CFAP92: variants seen among roughly 807,000 people sequenced by gnomAD.
CFAP92 encodes the protein uncharacterized protein CFAP92.
CFAP92 carries 86 observed loss-of-function variants against 106.3 expected under a neutral mutation model. The ratio of observed to expected loss-of-function variants is 0.81; its 90% CI spans 0.68 to 0.97. The LOEUF (loss-of-function observed/expected upper bound fraction) is 0.97. Among genes scored for constraint, CFAP92 ranks in the 50% least tolerant of loss-of-function variants. CFAP92 has a pLI of 0.00. For missense variants in CFAP92, 1,204 were observed against 1,283.8 expected, an observed-to-expected ratio of 0.94 and a Z score of 0.95; for synonymous variants, 477 against 506.4, an observed-to-expected ratio of 0.94 and a Z score of 0.78.
chr3:128,948,015 A>T (rs1440555924), intron 9 of CFAP92, among the ~76,000 whole-genome samples: 1 of 152,236 alleles, frequency 6.6e-6, no homozygotes. Flanking sequence ...CATCAAAATT[A>T]AAATTTTTGC....
At position 128,975,894 on chromosome 3, in the gene CFAP92, A is replaced by G; in HGVS notation, c.906T>C (p.Val302=). ...CCAAAGAAATGGTTGGTGTTCTTGA[A>G]ACACTCCATCTAGAAAATTCACAAA... ...MDDSSTIQWS[V]SRTPTISLAG... The change falls in exon 7 of 16, where the codon GTT becomes GTC. Residue 302 remains valine (V), a synonymous_variant. Coordinates refer to ENST00000645291, the MANE Select transcript of CFAP92 (RefSeq NM_001394090.1). 6.2e-7 allele frequency: 1 copy of G among 1,603,652 alleles called. No homozygotes were observed. The highest frequency in any genetic ancestry group is 1.1e-5 in the South Asian group (1 of 87,884).
At chr3:128,930,914 G>T (rs1036092558) in intron 12 of CFAP92, among the ~76,000 whole-genome samples, 5 of 151,752 alleles carry the variant, frequency 3.3e-5, no homozygotes, top group African/African-American at 1.2e-4. Flanking sequence ...TTGTTTGTTT[G>T]TTTTTTTGAG....
rs1192608477 is a variant in CFAP92 at position 128,935,289 on chromosome 3, C to G, written c.2289G>C (p.Lys763Asn). The G allele has an allele frequency of 6.5e-7, 1 of 1,529,514 alleles. No homozygotes were observed. The highest frequency in any genetic ancestry group is 1.4e-5 in the African/African-American group (1 of 73,032). 94.7% of individuals were successfully genotyped at this position (1,529,514 alleles called of 1,614,324 possible). Residue 763 changes from lysine (K) to asparagine (N), a missense_variant, in exon 11 of 16, where the codon AAG (lysine) becomes AAC (asparagine). Physicochemically the swap from Lys to Asn is moderately conservative, Grantham distance 94. Transcript: ENST00000645291. ...WIPRSEHRKY[K>N]VLYNSQLLFR... ...ACAGCAGCTGTGAGTTGTACAGCAC[C>G]TTGTATTTCCTGTGTTCTGACCTGG...
At chr3:128,933,852 C>T (rs1938678231) in intron 11 of CFAP92, among the ~76,000 whole-genome samples, 1 of 152,184 alleles carries the variant, frequency 6.6e-6, no homozygotes. Flanking sequence ...CAAAGAAAAG[C>T]CTCTTAGCCC....
chr3:128,994,199 C>T (rs919047977), upstream of CFAP92: 8 of 963,168 alleles, frequency 8.3e-6, no homozygotes, highest in Admixed American at 1.8e-4. Context: ...GGGGCTTTCC[C>T]CCTCAGCCAC....
At chr3:128,984,858 G>A (rs1247365510) in intron 4 of CFAP92, among the ~76,000 whole-genome samples, 1 of 152,054 alleles carries the variant, frequency 6.6e-6, no homozygotes, top group Non-Finnish European at 1.5e-5. Flanking sequence ...CATAACATGA[G>A]GCAGAACTCT....
At chr3:128,922,860 C>A (rs890365700) in intron 12 of CFAP92, among the ~76,000 whole-genome samples, 4 of 152,182 alleles carry the variant, frequency 2.6e-5, no homozygotes, top group African/African-American at 9.7e-5. Flanking sequence ...ATCTAGTGGA[C>A]CCACCTGTAT....
chr3:128,988,203 C>A (rs1943981430), intron 3 of CFAP92, among the ~76,000 whole-genome samples: 1 of 152,180 alleles, frequency 6.6e-6, no homozygotes, highest in South Asian at 2.1e-4. Context: ...TCAAGAACTA[C>A]AAAAACTTTT....
chr3:129,025,345 AGAG>A, the CFAP92 span, among the ~76,000 whole-genome samples: 2 of 152,136 alleles, frequency 1.3e-5, no homozygotes, highest in South Asian at 2.1e-4. Flanking sequence ...GAGGAATCCC[AGAG>A]GAGAGCAGTC....
chr3:129,007,709 G>A, the CFAP92 span, among the ~76,000 whole-genome samples: 52 of 152,300 alleles, frequency 3.4e-4, 1 homozygote, highest in South Asian at 0.01. Context: ...TTTAGACTGC[G>A]TTGAATTTCC....
At chr3:129,004,192 CGT>C (rs1361560437), upstream of CFAP92, 3 of 1,220,664 alleles carry the variant, frequency 2.5e-6, no homozygotes, top group Non-Finnish European at 3.2e-6. Flanking sequence ...TTTCTCCATG[CGT>C]TTATTCATGT....
At chr3:129,026,230 G>A in the CFAP92 span, among the ~76,000 whole-genome samples, 1 of 152,228 alleles carries the variant, frequency 6.6e-6, no homozygotes, top group Non-Finnish European at 1.5e-5. Flanking sequence ...GCAAGTGCTA[G>A]GAGGTGGAGT....
At chr3:128,992,005 G>T in intron 2 of CFAP92, 1 of 365,900 alleles carries the variant, frequency 2.7e-6, no homozygotes, top group Middle Eastern at 1.4e-3. Flanking sequence ...GGCTAGGCTT[G>T]CCCTCCTGTG....
At position 128,916,157 on chromosome 3, in the gene CFAP92, T is replaced by C. The variant is rs1936799813; in HGVS notation, c.2866A>G (p.Met956Val). The change falls in exon 13 of 16, where the codon ATG (methionine) becomes GTG (valine). Residue 956 changes from methionine (M) to valine (V), a missense_variant. By Grantham distance (21) the Met-to-Val change is conservative. Transcript: ENST00000645291. ...TTCTTGGCAAGCTCTGTAGAATTCATGGTCTGGGTACTATAGTTGTAGACG... is the reference window on the plus strand; with the variant it reads ...TTCTTGGCAAGCTCTGTAGAATTCACGGTCTGGGTACTATAGTTGTAGACG... ...KAVYNYSTQT[M>V]NSTELAKKEL... The C allele has an allele frequency of 8.1e-7, 1 of 1,232,090 alleles. No individual in the cohort carries two copies. Among genetic ancestry groups the C allele is most frequent in the South Asian group, 4.1e-5 (1 of 24,320 alleles). The allele number at this position is 1,232,090 out of a possible 1,614,324, so 76.3% of individuals were successfully genotyped here.
the CFAP92 span, among the ~76,000 whole-genome samples, chr3:129,015,778 G>GC: frequency 2.6e-4 from 35 of 136,298 alleles, no homozygotes; most frequent in African/African-American, 9.6e-4. Flanking sequence ...GCTGCATCCC[G>GC]CCCCCCTACC....
the CFAP92 span, among the ~76,000 whole-genome samples, chr3:129,009,332 G>C: frequency 3.3e-5 from 5 of 152,186 alleles, no homozygotes; most frequent in Admixed American, 2.0e-4. Flanking sequence ...AGGTACTCAC[G>C]TAGTGTTACC....
At chr3:128,926,581 T>C (rs1166612292) in intron 12 of CFAP92, among the ~76,000 whole-genome samples, 3 of 152,098 alleles carry the variant, frequency 2.0e-5, no homozygotes, top group Admixed American at 2.0e-4. Context: ...CACTTCTTTA[T>C]ACCAGACATT....
At chr3:128,942,151 G>T (rs935688462) in intron 10 of CFAP92, among the ~76,000 whole-genome samples, 2 of 150,932 alleles carry the variant, frequency 1.3e-5, no homozygotes, top group Non-Finnish European at 3.0e-5. Context: ...GCACTAGAAG[G>T]GCTCACAGAA....
At chr3:128,962,055 G>A (rs970342920) in intron 9 of CFAP92, among the ~76,000 whole-genome samples, 24 of 152,190 alleles carry the variant, frequency 1.6e-4, no homozygotes, top group African/African-American at 5.1e-4. Context: ...TGTCCCATCT[G>A]TGCGGGACCC....
Sources: allele counts gnomAD v4.1 joint callset (sites outside exome capture counted in the v4.1 genomes callset), GRCh38; gene constraint gnomAD v4.1.1; transcripts MANE v1.5; gene names NCBI Gene and HGNC (gene_info 2026-07-23, HGNC 2026-07-21).